Variants in CRMP1 observed in about 807,000 individuals in gnomAD.
CRMP1 encodes the protein dihydropyrimidinase-related protein 1.
A neutral mutation model predicts 68.3 loss-of-function variants in CRMP1; 19 were observed. The ratio of observed to expected loss-of-function variants is 0.28; its 90% CI spans 0.19 to 0.41. CRMP1 has a LOEUF of 0.41. Among genes scored for constraint, CRMP1 ranks in the 10% least tolerant of loss-of-function variants. The pLI is 1.00. For synonymous variants in CRMP1, 439 were observed against 399.6 expected (o/e 1.10, Z -1.18); for missense variants, 791 against 967.4 (o/e 0.82, Z 2.42).
At chr4:5,846,132 C>A (rs1435483190) in intron 6 of CRMP1, among the ~76,000 whole-genome samples, 1 of 152,072 alleles carries the variant, frequency 6.6e-6, no homozygotes, top group African/African-American at 2.4e-5. Context: ...CCCATCACTA[C>A]TAAAAATACA....
intron 11 of CRMP1, among the ~76,000 whole-genome samples, chr4:5,829,815 C>T (rs1227489053): frequency 1.3e-5 from 2 of 152,194 alleles, no homozygotes; most frequent in African/African-American, 4.8e-5. Flanking sequence ...GGGTCATTAC[C>T]ATGCCTTTGC....
intron 12 of CRMP1, chr4:5,826,045 G>A: frequency 3.5e-6 from 1 of 288,034 alleles, no homozygotes; most frequent in South Asian, 3.6e-5. Context: ...TCTTCACAAA[G>A]GCATACTCAC....
At chr4:5,873,098 G>T (rs533597344) in intron 1 of CRMP1, among the ~76,000 whole-genome samples, 3 of 152,336 alleles carry the variant, frequency 2.0e-5, no homozygotes, top group African/African-American at 4.8e-5. Flanking sequence ...AAGGATGGGT[G>T]TAAGCAGCTT....
In CRMP1 at chr4:5,841,550, T is replaced by C. The variant is rs2152460006; in HGVS notation, c.1033-122A>G. 7 of 1,488,452 alleles carry C rather than the reference T, an allele frequency of 4.7e-6. No individual in the cohort carries two copies. The highest frequency in any genetic ancestry group is 6.4e-6 in the Non-Finnish European group (7 of 1,089,826). The allele number at this position is 1,488,452 out of a possible 1,614,324, so 92.2% of individuals were successfully genotyped here. ...TCTGCTCCATTGAATGAGAAGGACA[T>C]ACTGAGTCCAACAGCGCTTGACAGT... On this transcript the variant is annotated intron_variant, in intron 7 of 13. Transcript: ENST00000324989. This position sits in a 1 kb window ranked among gnomAD's most constrained non-coding sequence, Gnocchi z 6.9.
intron 1 of CRMP1, among the ~76,000 whole-genome samples, chr4:5,885,352 G>T (rs568938085): frequency 7.2e-5 from 11 of 152,152 alleles, no homozygotes; most frequent in South Asian, 4.1e-4. Flanking sequence ...CAACAAGCAG[G>T]TGGGGACCTG....
rs997850127 is a variant in CRMP1, at chr4:5,855,497, A to G, written c.820+646T>C. 7.2e-5 allele frequency among the ~76,000 whole-genome samples: 11 copies of G among 152,012 alleles called. No individual in the cohort carries two copies. Among genetic ancestry groups the G allele is most frequent in the African/African-American group, 2.4e-4 (10 of 41,372 alleles). On this transcript the variant is annotated intron_variant, in intron 4 of 13. Transcript: ENST00000324989. The surrounding 1 kb of genome is among the most constrained non-coding windows in gnomAD (Gnocchi z 4.9). The stretch of plus-strand genomic sequence containing the variant: ...CCAGTTCGATGTAACACACACCATA[A>G]AGGTCTACACTGTGCTGGTGTGAAC...
intron 10 of CRMP1, 55 bp from the exon 11 acceptor site, chr4:5,836,140 G>A (rs1256043078): frequency 4.4e-6 from 6 of 1,362,134 alleles, no homozygotes; most frequent in Non-Finnish European, 5.7e-6. Context: ...CCAGGAGGAG[G>A]GGCAGCTGGG....
At chr4:5,871,431 T>C (rs528933444) in intron 1 of CRMP1, among the ~76,000 whole-genome samples, 11 of 152,044 alleles carry the variant, frequency 7.2e-5, no homozygotes, top group South Asian at 2.1e-4. Context: ...GAGGCTGAGG[T>C]GGGCGGATCA....
At chr4:5,844,588 G>C (rs1228834193) in intron 6 of CRMP1, among the ~76,000 whole-genome samples, 1 of 152,220 alleles carries the variant, frequency 6.6e-6, no homozygotes, top group East Asian at 1.9e-4. Flanking sequence ...AGAAACTACA[G>C]AGAAGACCAG....
rs1055311684 is a variant in CRMP1, at chr4:5,859,376, A to G, written c.655+1650T>C. On this transcript the variant is annotated intron_variant, in intron 3 of 13. Coordinates refer to ENST00000324989, the MANE Select transcript of CRMP1 (RefSeq NM_001014809.3). This position sits in a 1 kb window ranked among gnomAD's most constrained non-coding sequence, Gnocchi z 5.2. The stretch of plus-strand genomic sequence containing the variant: ...GGGTCTCACAGCTGGTAATGGAGAA[A>G]AGCAGGGGACATCCCAGGAACCCTG... Among the ~76,000 whole-genome samples, 1 of 152,132 alleles carries G rather than the reference A, an allele frequency of 6.6e-6. No homozygotes were observed. Among genetic ancestry groups the G allele is most frequent in the African/African-American group, 2.4e-5 (1 of 41,438 alleles).
intron 1 of CRMP1, among the ~76,000 whole-genome samples, chr4:5,876,025 C>T (rs538897141): frequency 4.6e-5 from 7 of 151,928 alleles, no homozygotes; most frequent in African/African-American, 7.2e-5. Context: ...TGGTGGCAGG[C>T]GCCTGTAGTC....
At chr4:5,828,786 T>G in intron 11 of CRMP1, 118 bp from the exon 12 acceptor site, 1 of 1,225,476 alleles carries the variant, frequency 8.2e-7, no homozygotes, top group Non-Finnish European at 1.1e-6. Context: ...TTTTTTTCTC[T>G]CTAAAAATAC....
rs3774889 is a variant in CRMP1, at chr4:5,881,121, G to T, written c.381+11468C>A. On this transcript the variant is annotated intron_variant, in intron 1 of 13. Coordinates refer to ENST00000324989, the MANE Select transcript of CRMP1 (RefSeq NM_001014809.3). The surrounding 1 kb of genome is among the most constrained non-coding windows in gnomAD (Gnocchi z 4.6). ...CACACATGGTGTGCCAGGTCAAGGC[G>T]AATGCTCTGGATGCCTGGGACACAG... Among the ~76,000 whole-genome samples, 7 of 152,226 alleles carry T rather than the reference G, an allele frequency of 4.6e-5. No homozygotes were observed. In the East Asian group the frequency reaches 1.4e-3, roughly 29 times the overall value.
Position 5,860,932 on chromosome 4 carries a change from A to C in CRMP1, c.655+94T>G. ...AATGAAATCCAATGGCACCCTGGGC[A>C]GAGAGCCTCGAACACACTGAGCACT... On this transcript the variant is annotated intron_variant, in intron 3 of 13. Transcript: ENST00000324989. The surrounding 1 kb of genome is among the most constrained non-coding windows in gnomAD (Gnocchi z 4.2). 3.9e-6 allele frequency: 5 copies of C among 1,293,666 alleles called. No homozygotes were observed. The highest frequency in any genetic ancestry group is 1.5e-5 in the African/African-American group (1 of 68,352). The allele number at this position is 1,293,666 out of a possible 1,614,324, so 80.1% of individuals were successfully genotyped here. A position where few individuals can be genotyped will look rare whatever the true frequency, so the allele number is the denominator to read the frequency against.
rs778049372 is a variant in CRMP1 at position 5,843,047 on chromosome 4, C to A, written c.1032+46G>T. The A allele has an allele frequency of 6.3e-7, 1 of 1,576,426 alleles. No homozygotes were observed. ...AGCTGGAACAGCATCAAGGTGAGTG[C>A]TCAGTGGTGAGTGTCAGAGTCATGC... On this transcript the variant is annotated intron_variant, in intron 7 of 13. Transcript: ENST00000324989. The surrounding 1 kb of genome is among the most constrained non-coding windows in gnomAD (Gnocchi z 4.1).
intron 12 of CRMP1, among the ~76,000 whole-genome samples, chr4:5,827,032 G>A (rs763613089): frequency 2.6e-5 from 4 of 152,202 alleles, no homozygotes; most frequent in African/African-American, 4.8e-5. Context: ...CTGAAGCTCA[G>A]GTGGCCAGAG....
At position 5,861,751 on chromosome 4, in the gene CRMP1, G is replaced by T. The variant is rs571400424; in HGVS notation, c.471-541C>A. ...GTCAGGAGGTCCCTCAAGGCGCTGG[G>T]GGAAGAGGCTCAGCCAGAACCAGGA... is the stretch of plus-strand genomic sequence containing the variant. On this transcript the variant is annotated intron_variant, in intron 2 of 13. Transcript: ENST00000324989. This position sits in a 1 kb window ranked among gnomAD's most constrained non-coding sequence, Gnocchi z 6.0. 2.6e-4 allele frequency among the ~76,000 whole-genome samples: 40 copies of T among 152,236 alleles called. No homozygotes were observed. In the South Asian group the frequency reaches 8.3e-3, roughly 32 times the overall value.
rs554849687 is a variant in CRMP1, at chr4:5,859,754, A to G, written c.655+1272T>C. Among the ~76,000 whole-genome samples the G allele has an allele frequency of 9.9e-5, 15 of 152,184 alleles. No homozygotes were observed. In the East Asian group the frequency reaches 2.9e-3, roughly 30 times the overall value. On this transcript the variant is annotated intron_variant, in intron 3 of 13. Coordinates refer to ENST00000324989, the MANE Select transcript of CRMP1 (RefSeq NM_001014809.3). The surrounding 1 kb of genome is among the most constrained non-coding windows in gnomAD (Gnocchi z 5.2). ...GGATCAGGACAGTGCTTGCCTCAAA[A>G]GTCGAGCCCCACCCTCCTGGCTCAG...
rs1266952155 is a variant in CRMP1 at position 5,821,063 on chromosome 4, A to C, written c.*697T>G. The C allele has an allele frequency of 1.3e-5, 2 of 152,238 alleles. No individual in the cohort carries two copies. Among genetic ancestry groups the C allele is most frequent in the African/African-American group, 4.8e-5 (2 of 41,450 alleles). 9.4% of individuals were successfully genotyped at this position (152,238 alleles called of 1,614,324 possible). A position where few individuals can be genotyped will look rare whatever the true frequency, so the allele number is the denominator to read the frequency against. On this transcript the variant is annotated 3_prime_UTR_variant, in exon 14 of 14. Transcript: ENST00000324989. The surrounding 1 kb of genome is among the most constrained non-coding windows in gnomAD (Gnocchi z 4.4). ...CCTGAAGCCTAGAGCTGGCTTGAAG[A>C]ACACACACAGACCAGAAGACAGCAC...
Sources: gnomAD v4.1 joint callset for allele counts (sites outside exome capture counted in the v4.1 genomes callset) on GRCh38, gnomAD v4.1.1 for gene constraint, Gnocchi (gnomAD v3.1) non-coding constraint, MANE v1.5 for transcripts, NCBI Gene and HGNC (gene_info 2026-07-23, HGNC 2026-07-21) for gene names.